EGFLAM: variants seen among roughly 807,000 people sequenced by gnomAD.
EGFLAM encodes the protein pikachurin.
EGFLAM carries 79 observed loss-of-function variants against 113.1 expected under a neutral mutation model. The observed-to-expected ratio is 0.70, with a 90% CI of 0.58 to 0.84. The LOEUF (loss-of-function observed/expected upper bound fraction) is 0.84, where lower values mean the gene tolerates loss of function less well. EGFLAM is among the 40% of genes least tolerant of loss of function. EGFLAM has a pLI of 0.00. For missense variants in EGFLAM, 1,265 were observed against 1,291.6 expected, an observed-to-expected ratio of 0.98 and a Z score of 0.32; for synonymous variants, 504 against 487.6, an observed-to-expected ratio of 1.03 and a Z score of -0.44.
intron 20 of EGFLAM, among the ~76,000 whole-genome samples, chr5:38,462,060 C>T (rs113408817): frequency 0.089 from 13,576 of 151,974 alleles, 1,959 homozygotes; most frequent in African/African-American, 0.3. Context: ...CCCAGCTACT[C>T]GGGAGGCTGA....
At chr5:38,462,573 GC>G (rs1180628494) in intron 20 of EGFLAM, 1 of 243,314 alleles carries the variant, frequency 4.1e-6, no homozygotes, top group Non-Finnish European at 8.2e-6. Flanking sequence ...CCTCTGAGCA[GC>G]TTTTTCTGAC....
At chr5:38,355,539 C>T (rs576720030) in intron 5 of EGFLAM, among the ~76,000 whole-genome samples, 7 of 152,084 alleles carry the variant, frequency 4.6e-5, no homozygotes, top group Non-Finnish European at 7.4e-5. Context: ...AAAACGTGGG[C>T]GATGACTTCT....
At chr5:38,387,546 G>A (rs1412068950) in intron 6 of EGFLAM, among the ~76,000 whole-genome samples, 1 of 152,176 alleles carries the variant, frequency 6.6e-6, no homozygotes, top group Non-Finnish European at 1.5e-5. Flanking sequence ...GCAACCCGTG[G>A]TGAGCTCACC....
chr5:38,430,572 A>G (rs959514074), intron 14 of EGFLAM, among the ~76,000 whole-genome samples: 8 of 152,206 alleles, frequency 5.3e-5, no homozygotes, highest in Non-Finnish European at 1.2e-4. Context: ...AAAATGATCC[A>G]TAACATGCTA....
intron 11 of EGFLAM, among the ~76,000 whole-genome samples, chr5:38,417,621 A>C (rs1741694366): frequency 6.6e-6 from 1 of 151,936 alleles, no homozygotes; most frequent in South Asian, 2.1e-4. Context: ...TATAAAGGTG[A>C]CTAGGACAGT....
intron 19 of EGFLAM, among the ~76,000 whole-genome samples, chr5:38,457,186 C>T (rs935635434): frequency 1.3e-5 from 2 of 152,160 alleles, no homozygotes; most frequent in Non-Finnish European, 2.9e-5. Context: ...TAGGCAAATT[C>T]CCTTAATCTC....
intron 1 of EGFLAM, among the ~76,000 whole-genome samples, chr5:38,325,728 G>C (rs1738862254): frequency 6.6e-6 from 1 of 152,182 alleles, no homozygotes; most frequent in Admixed American, 6.5e-5. Context: ...CTGATGAGCA[G>C]TTAGGTTATT....
intron 10 of EGFLAM, among the ~76,000 whole-genome samples, chr5:38,411,860 C>A (rs537666723): frequency 1.3e-5 from 2 of 151,488 alleles, no homozygotes; most frequent in African/African-American, 4.8e-5. Flanking sequence ...CAGGCAGTGG[C>A]TTGATCTTGG....
chr5:38,412,731 G>A (rs1477744159), intron 11 of EGFLAM, 83 bp downstream of exon 11: 12 of 1,517,880 alleles, frequency 7.9e-6, no homozygotes, highest in Non-Finnish European at 9.7e-6. Context: ...AGAGAGCCGT[G>A]GCAGAGTCTG....
intron 1 of EGFLAM, among the ~76,000 whole-genome samples, chr5:38,283,449 A>G (rs997874610): frequency 6.6e-6 from 1 of 152,240 alleles, no homozygotes; most frequent in Non-Finnish European, 1.5e-5. Flanking sequence ...GTGCCTTTAC[A>G]TAATAATAAT....
chr5:38,338,518 C>T (rs1739245342), intron 2 of EGFLAM, among the ~76,000 whole-genome samples, 180 bp from the exon 3 acceptor site: 2 of 152,200 alleles, frequency 1.3e-5, no homozygotes, highest in Non-Finnish European at 2.9e-5. Context: ...CCTCAGGCTT[C>T]TGAGTTTGCA....
chr5:38,455,255 C>T (rs1031180842), intron 19 of EGFLAM, among the ~76,000 whole-genome samples: 8 of 152,176 alleles, frequency 5.3e-5, no homozygotes, highest in African/African-American at 1.7e-4. Flanking sequence ...AAGGTATTTC[C>T]GGGTGGCCCA....
intron 12 of EGFLAM, among the ~76,000 whole-genome samples, chr5:38,422,837 A>T (rs1397800009): frequency 6.6e-6 from 1 of 152,134 alleles, no homozygotes; most frequent in Non-Finnish European, 1.5e-5. Flanking sequence ...ATACATACCC[A>T]GCTCCAGGCA....
At chr5:38,442,494 A>G (rs762410924) in intron 17 of EGFLAM, among the ~76,000 whole-genome samples, 47 of 151,132 alleles carry the variant, frequency 3.1e-4, no homozygotes. Flanking sequence ...TGGAAAAGAG[A>G]GGTTATTTAA....
chr5:38,418,169 G>A lies in EGFLAM; in HGVS notation c.1598G>A (p.Gly533Asp), dbSNP rs779411784. ...RATGTNRGFQ[G>D]CVQSLAVNGR... ...ACAGGGACAAACCGAGGCTTTCAAG[G>A]CTGTGTGCAGTCGCTCGCTGTGAAT... Residue 533 changes from glycine to aspartate, a missense_variant, in exon 12 of 22, where the codon GGC becomes GAC. Gly to Asp is a moderately conservative substitution (Grantham distance 94). Transcript: ENST00000322350. 1.2e-6 allele frequency: 2 copies of A among 1,614,058 alleles called. No individual in the cohort carries two copies. The highest frequency in any genetic ancestry group is 2.2e-5 in the East Asian group (1 of 44,882).
Position 38,373,218 on chromosome 5 carries a change from A to T in EGFLAM, c.712+2756A>T, listed in dbSNP as rs778550698. On this transcript the variant is annotated intron_variant, in intron 6 of 21. Coordinates refer to ENST00000322350, the MANE Select transcript of EGFLAM (RefSeq NM_152403.4). ...GAATAGTGTCCCCTTTTTACAGATT[A>T]AAAAAAATGAGTTTTTAAAAGGTAA... is the stretch of plus-strand genomic sequence containing the variant. Among the ~76,000 whole-genome samples the T allele has an allele frequency of 1.9e-4, 18 of 95,894 alleles. No homozygotes were observed. In the South Asian group the frequency reaches 4.2e-3, roughly 22 times the overall value. 62.9% of individuals were successfully genotyped at this position (95,894 alleles called of 152,430 possible).
In EGFLAM at chr5:38,383,245, G is replaced by A. The variant is rs976083047; in HGVS notation, c.712+12783G>A. On this transcript the variant is annotated intron_variant, in intron 6 of 21. Coordinates refer to ENST00000322350, the MANE Select transcript of EGFLAM (RefSeq NM_152403.4). ...AGATATTTCTTCAGCGTTCTTTGGC[G>A]TTTATAACATTTTATTTACAATGCT... Among the ~76,000 whole-genome samples, 4 of 152,228 alleles carry A rather than the reference G, an allele frequency of 2.6e-5. No individual in the cohort carries two copies. In the East Asian group the frequency reaches 7.7e-4, roughly 29 times the overall value.
chr5:38,364,257 G>A (rs1367307863), intron 5 of EGFLAM, among the ~76,000 whole-genome samples: 4 of 152,208 alleles, frequency 2.6e-5, no homozygotes, highest in Non-Finnish European at 5.9e-5. Flanking sequence ...GATGGACAGA[G>A]TTCAGAGGAG....
At chr5:38,337,480 G>A (rs1192613295) in intron 1 of EGFLAM, 40 bp from the exon 2 acceptor site, 1 of 1,531,532 alleles carries the variant, frequency 6.5e-7, no homozygotes, top group East Asian at 2.4e-5. Flanking sequence ...AAGGTGGGAT[G>A]TGTGGAGCCT....
Sources: allele counts gnomAD v4.1 joint callset (sites outside exome capture counted in the v4.1 genomes callset), GRCh38; gene constraint gnomAD v4.1.1; transcripts MANE v1.5; gene names NCBI Gene and HGNC (gene_info 2026-07-23, HGNC 2026-07-21).